The following MRTFA variants were observed in gnomAD, a reference collection of about 807,000 sequenced individuals.
MRTFA encodes myocardin related transcription factor A.
MRTFA carries 20 observed loss-of-function variants against 83.5 expected under a neutral mutation model. That is an observed-to-expected ratio of 0.24 (90% CI 0.17 to 0.35). MRTFA has a LOEUF of 0.35. MRTFA is among the 10% of genes least tolerant of loss of function. The probability of loss-of-function intolerance (pLI) is 1.00; values close to 1 mark genes in which losing one functional copy is unlikely to be tolerated. For missense variants in MRTFA, 1,200 were observed against 1,224.7 expected, an observed-to-expected ratio of 0.98 and a Z score of 0.30; for synonymous variants, 659 against 541.2, an observed-to-expected ratio of 1.22 and a Z score of -3.02.
intron 2 of MRTFA, among the ~76,000 whole-genome samples, chr22:40,567,950 A>C (rs930491726): frequency 6.6e-6 from 1 of 152,226 alleles, no homozygotes; most frequent in Non-Finnish European, 1.5e-5. Flanking sequence ...ATATTTTCCT[A>C]AATTCTTGAG....
intron 1 of MRTFA, among the ~76,000 whole-genome samples, 152 bp from the exon 2 acceptor site, chr22:40,594,887 T>TAA (rs776075354): frequency 0.088 from 9,249 of 104,870 alleles, 492 homozygotes; most frequent in East Asian, 0.24. Context: ...TGTCACTGGT[T>TAA]AAAAAAAAAA....
chr22:40,616,956 A>T lies in MRTFA; in HGVS notation c.-84+19522T>A, dbSNP rs1453275396. Among the ~76,000 whole-genome samples, 2 of 151,550 alleles carry T rather than the reference A, an allele frequency of 1.3e-5. 1 individual carries two copies. The highest frequency in any genetic ancestry group is 4.2e-4 in the South Asian group (2 of 4,782). On this transcript the variant is annotated intron_variant, in intron 1 of 14. Coordinates refer to ENST00000355630, the MANE Select transcript of MRTFA (RefSeq NM_020831.6). ...TATTCTACAAAAAAATACAAAAATTATCTGGGCATGGTGGTGCACACCTGT... is the reference window on the plus strand; with the variant it reads ...TATTCTACAAAAAAATACAAAAATTTTCTGGGCATGGTGGTGCACACCTGT...
chr22:40,543,638 C>G (rs2055323079), intron 3 of MRTFA, among the ~76,000 whole-genome samples: 1 of 152,090 alleles, frequency 6.6e-6, no homozygotes, highest in Non-Finnish European at 1.5e-5. Flanking sequence ...CTCATTAAAA[C>G]ACACAAAGTG....
chr22:40,555,927 C>A lies in MRTFA; in HGVS notation c.-21-3560G>T, dbSNP rs778535297. Among the ~76,000 whole-genome samples the A allele has an allele frequency of 3.4e-4, 51 of 152,172 alleles. 1 individual carries two copies. The highest frequency in any genetic ancestry group is 1.6e-3 in the Admixed American group (25 of 15,276). On this transcript the variant is annotated intron_variant, in intron 2 of 14. Coordinates refer to ENST00000355630, the MANE Select transcript of MRTFA (RefSeq NM_020831.6). ...GTGCTGGGATTACAGGCGTGAGCCA[C>A]CATGCCCAGCCCTAAGAATAATTTT... is the stretch of plus-strand genomic sequence containing the variant.
chr22:40,635,781 G>A (rs149336588), intron 1 of MRTFA, among the ~76,000 whole-genome samples: 1 of 152,272 alleles, frequency 6.6e-6, no homozygotes, highest in Non-Finnish European at 1.5e-5. Flanking sequence ...AACCGTATGC[G>A]ATTGGTGCTA....
chr22:40,600,168 G>A (rs1304042321), intron 1 of MRTFA, among the ~76,000 whole-genome samples: 1 of 151,944 alleles, frequency 6.6e-6, no homozygotes, highest in South Asian at 2.1e-4. Context: ...ATCTCTCTCT[G>A]CCTGATTCCT....
At chr22:40,627,304 C>T (rs1014917465) in intron 1 of MRTFA, among the ~76,000 whole-genome samples, 5 of 152,106 alleles carry the variant, frequency 3.3e-5, no homozygotes, top group African/African-American at 9.7e-5. Flanking sequence ...TGTAGACACA[C>T]GGTCTTGTCA....
intron 3 of MRTFA, among the ~76,000 whole-genome samples, chr22:40,490,323 G>T (rs1000243071): frequency 6.6e-6 from 1 of 152,150 alleles, no homozygotes; most frequent in Admixed American, 6.6e-5. Context: ...ATTCTCAGCT[G>T]GGCGCGATGG....
chr22:40,443,989 G>T (rs1038944066), intron 4 of MRTFA, among the ~76,000 whole-genome samples: 1 of 152,108 alleles, frequency 6.6e-6, no homozygotes, highest in African/African-American at 2.4e-5. Context: ...TGGAACTCTC[G>T]CCCCGAATGA....
chr22:40,455,916 C>T lies in MRTFA; in HGVS notation c.307+7305G>A, dbSNP rs2053579135. ...TGGTGCAACCTCCACCTCCCAGGTT[C>T]AAGCAATTCCCCCTGCTTCAGCCTC... On this transcript the variant is annotated intron_variant, in intron 4 of 14. Coordinates refer to ENST00000355630, the MANE Select transcript of MRTFA (RefSeq NM_020831.6). Among the ~76,000 whole-genome samples the T allele has an allele frequency of 1.3e-5, 2 of 152,064 alleles. 1 individual carries two copies. The highest frequency in any genetic ancestry group is 4.1e-4 in the South Asian group (2 of 4,830).
intron 3 of MRTFA, among the ~76,000 whole-genome samples, chr22:40,526,931 T>G (rs1189398456): frequency 6.6e-6 from 1 of 151,726 alleles, no homozygotes; most frequent in Non-Finnish European, 1.5e-5. Flanking sequence ...AAGATCTCAT[T>G]CCCACAAAAA....
intron 2 of MRTFA, among the ~76,000 whole-genome samples, chr22:40,578,612 A>T (rs938694512): frequency 2.0e-5 from 3 of 151,506 alleles, no homozygotes; most frequent in Non-Finnish European, 4.4e-5. Context: ...TTCTCTCAAA[A>T]TTTTTTTTTA....
rs544448366 is a variant in MRTFA at position 40,481,527 on chromosome 22, A to T, written c.242-18241T>A. ...AGGTGTACGTATTATAATTTCAGGG[A>T]GTACATTATGTGAAGAAAAATATAG... On this transcript the variant is annotated intron_variant, in intron 3 of 14. Transcript: ENST00000355630. Among the ~76,000 whole-genome samples the T allele has an allele frequency of 2.0e-5, 3 of 152,230 alleles. No homozygotes were observed. The East Asian group carries it at 5.8e-4, about 29-fold the overall frequency.
intron 3 of MRTFA, among the ~76,000 whole-genome samples, chr22:40,485,404 G>A (rs887405537): frequency 2.6e-5 from 4 of 152,124 alleles, no homozygotes; most frequent in Non-Finnish European, 5.9e-5. Context: ...AGCCTGAACT[G>A]TGGCAACAGC....
intron 3 of MRTFA, among the ~76,000 whole-genome samples, chr22:40,528,257 G>C (rs751639374): frequency 6.6e-6 from 1 of 152,128 alleles, no homozygotes; most frequent in African/African-American, 2.4e-5. Context: ...GAGTCATTCT[G>C]AGTAGTGACA....
chr22:40,445,103 T>G (rs994559161), intron 4 of MRTFA, among the ~76,000 whole-genome samples: 3 of 152,126 alleles, frequency 2.0e-5, no homozygotes, highest in Non-Finnish European at 2.9e-5. Flanking sequence ...ATACACCTGG[T>G]GACTGCCATA....
At chr22:40,612,038 A>G (rs1602494325) in intron 1 of MRTFA, among the ~76,000 whole-genome samples, 1 of 152,242 alleles carries the variant, frequency 6.6e-6, no homozygotes, top group Admixed American at 6.5e-5. Context: ...GGCAAAAACC[A>G]AAGAAATGGT....
At chr22:40,483,111 T>C (rs2054117933) in intron 3 of MRTFA, among the ~76,000 whole-genome samples, 1 of 152,238 alleles carries the variant, frequency 6.6e-6, no homozygotes, top group South Asian at 2.1e-4. Context: ...GAGGCTGGAA[T>C]GCAGTGGTGC....
At chr22:40,424,527 C>T in intron 7 of MRTFA, 146 bp from the exon 8 acceptor site, 1 of 843,158 alleles carries the variant, frequency 1.2e-6, no homozygotes, top group Non-Finnish European at 1.8e-6. Flanking sequence ...GACTAGCAGC[C>T]AATCTGCTTT....
Sources: allele counts gnomAD v4.1 joint callset (sites outside exome capture counted in the v4.1 genomes callset), GRCh38; gene constraint gnomAD v4.1.1; transcripts MANE v1.5; gene names NCBI Gene and HGNC (gene_info 2026-07-23, HGNC 2026-07-21).